Variants in CNTN5 observed in about 807,000 individuals in gnomAD.
CNTN5 encodes the protein contactin-5.
Under a neutral mutation model 129.1 loss-of-function variants are expected in CNTN5, and 77 were observed. That is an observed-to-expected ratio of 0.60 (90% CI 0.50 to 0.72). The LOEUF is 0.72. Ranked by LOEUF, CNTN5 falls within the 30% of genes least tolerant of loss-of-function variation. The pLI, the probability that CNTN5 is intolerant of heterozygous loss-of-function variation, is 0.00. For missense variants in CNTN5, 1,478 were observed against 1,328.8 expected (o/e 1.11, Z -1.75); for synonymous variants, 509 against 465.6 (o/e 1.09, Z -1.20).
chr11:100,291,947 A>T (rs982329961), intron 18 of CNTN5, among the ~76,000 whole-genome samples: 3 of 151,998 alleles, frequency 2.0e-5, no homozygotes, highest in East Asian at 3.9e-4. Context: ...ACTATGCTCA[A>T]TGTGATCCCA....
chr11:100,321,529 T>G (rs11223636), intron 21 of CNTN5, among the ~76,000 whole-genome samples: 8,577 of 152,208 alleles, frequency 0.056, 342 homozygotes, highest in East Asian at 0.23. Flanking sequence ...CCTTTTCAAT[T>G]CTAAAGCTTT....
chr11:99,969,655 C>T (rs975089255), intron 8 of CNTN5, among the ~76,000 whole-genome samples: 2 of 152,112 alleles, frequency 1.3e-5, no homozygotes, highest in Non-Finnish European at 2.9e-5. Flanking sequence ...CTCTGTAGTC[C>T]ATGTACAAAG....
intron 6 of CNTN5, among the ~76,000 whole-genome samples, chr11:99,883,613 A>T (rs7931411): frequency 3.3e-5 from 5 of 152,062 alleles, no homozygotes; most frequent in African/African-American, 1.2e-4. Context: ...AAACAAAACA[A>T]AACAGTGAAA....
chr11:99,239,809 C>T (rs895207119), intron 1 of CNTN5, among the ~76,000 whole-genome samples: 6 of 151,932 alleles, frequency 3.9e-5, no homozygotes, highest in African/African-American at 1.4e-4. Flanking sequence ...TGGTGGCGGG[C>T]GCCTGTAGTC....
chr11:99,964,769 G>A (rs1226804937), intron 8 of CNTN5, among the ~76,000 whole-genome samples: 2 of 152,162 alleles, frequency 1.3e-5, no homozygotes, highest in Non-Finnish European at 2.9e-5. Flanking sequence ...GTAGAATTCA[G>A]CTGTGAATCC....
At position 99,984,878 on chromosome 11, in the gene CNTN5, C is replaced by T. The variant is rs149078077; in HGVS notation, c.878-17156C>T. ...CGCTTTGTCAGACTTGCAACAGGGG[C>T]GCCCCGTTTACTCGGCCCACTGTGC... On this transcript the variant is annotated intron_variant, in intron 8 of 24. Transcript: ENST00000524871. 2.6e-3 allele frequency among the ~76,000 whole-genome samples: 391 copies of T among 152,216 alleles called. 1 individual carries two copies. The highest frequency in any genetic ancestry group is 9.1e-3 in the African/African-American group (377 of 41,546).
intron 2 of CNTN5, among the ~76,000 whole-genome samples, chr11:99,491,292 C>T (rs1946026910): frequency 6.6e-6 from 1 of 152,138 alleles, no homozygotes; most frequent in African/African-American, 2.4e-5. Context: ...AGTCTTTCTC[C>T]TTATTCCTAT....
chr11:99,632,817 A>G (rs1167211823), intron 3 of CNTN5, among the ~76,000 whole-genome samples: 1 of 152,070 alleles, frequency 6.6e-6, no homozygotes, highest in Non-Finnish European at 1.5e-5. Flanking sequence ...TTTGGGGTAA[A>G]TTATTCAGTT....
intron 1 of CNTN5, among the ~76,000 whole-genome samples, chr11:99,109,466 G>T (rs976960653): frequency 1.3e-5 from 2 of 151,984 alleles, no homozygotes; most frequent in South Asian, 2.1e-4. Flanking sequence ...ATGAAGATAC[G>T]TAAGGGACTT....
At chr11:100,273,369 G>A (rs1457234954) in intron 18 of CNTN5, among the ~76,000 whole-genome samples, 1 of 152,078 alleles carries the variant, frequency 6.6e-6, no homozygotes, top group East Asian at 1.9e-4. Context: ...ATTTGGGTTT[G>A]CTTTCCTTGC....
chr11:99,948,707 G>T (rs1950606319), intron 7 of CNTN5, among the ~76,000 whole-genome samples: 1 of 152,086 alleles, frequency 6.6e-6, no homozygotes, highest in South Asian at 2.1e-4. Flanking sequence ...ATTCCTATGA[G>T]AATTAAATGA....
chr11:99,736,062 C>A (rs948128517), intron 3 of CNTN5, among the ~76,000 whole-genome samples: 1 of 151,828 alleles, frequency 6.6e-6, no homozygotes, highest in African/African-American at 2.4e-5. Flanking sequence ...GTCCCTCTCT[C>A]TCTTTCTTTT....
At chr11:99,836,727 C>T (rs1040349396) in intron 4 of CNTN5, among the ~76,000 whole-genome samples, 1 of 152,128 alleles carries the variant, frequency 6.6e-6, no homozygotes, top group African/African-American at 2.4e-5. Context: ...CACTGTCTTC[C>T]ACAATGGTTG....
chr11:99,308,424 G>C (rs893828568), intron 1 of CNTN5, among the ~76,000 whole-genome samples: 5 of 152,108 alleles, frequency 3.3e-5, no homozygotes, highest in Non-Finnish European at 7.4e-5. Flanking sequence ...CAGAGCTTGG[G>C]ACTACTGTAT....
chr11:99,781,858 A>G (rs1056971489), intron 3 of CNTN5, among the ~76,000 whole-genome samples: 1 of 152,172 alleles, frequency 6.6e-6, no homozygotes, highest in Admixed American at 6.5e-5. Context: ...TGACAAACGC[A>G]CAGCCAATAT....
chr11:100,060,300 A>G (rs11222574), intron 9 of CNTN5, among the ~76,000 whole-genome samples: 32,905 of 151,902 alleles, frequency 0.22, 4,165 homozygotes, highest in East Asian at 0.46. Flanking sequence ...CATCTATACA[A>G]TGAAATAATT....
chr11:100,196,794 A>G (rs1363778887), intron 15 of CNTN5, among the ~76,000 whole-genome samples: 1 of 151,942 alleles, frequency 6.6e-6, no homozygotes, highest in Admixed American at 6.6e-5. Context: ...ATTTGATCCA[A>G]TTCATCCAAA....
intron 3 of CNTN5, among the ~76,000 whole-genome samples, chr11:99,676,068 A>G (rs1460010502): frequency 3.9e-5 from 6 of 152,162 alleles, no homozygotes; most frequent in African/African-American, 7.2e-5. Flanking sequence ...TAATTTTCGA[A>G]TGGGATAATA....
intron 1 of CNTN5, among the ~76,000 whole-genome samples, chr11:99,139,148 T>C (rs2135456572): frequency 7.8e-6 from 1 of 127,410 alleles, no homozygotes; most frequent in East Asian, 2.5e-4. Context: ...ATTCCTGCGG[T>C]CCCAGCTACT....
Sources: gnomAD v4.1 joint callset for allele counts (sites outside exome capture counted in the v4.1 genomes callset) on GRCh38, gnomAD v4.1.1 for gene constraint, MANE v1.5 for transcripts, NCBI Gene and HGNC (gene_info 2026-07-23, HGNC 2026-07-21) for gene names.